The following FLYWCH1 variants were observed in gnomAD, a reference collection of about 807,000 sequenced individuals.
The protein encoded by FLYWCH1 is FLYWCH-type zinc finger-containing protein 1.
FLYWCH1 carries 75 observed loss-of-function variants against 66.4 expected under a neutral mutation model. That is an observed-to-expected ratio of 1.13 (90% CI 0.94 to 1.37). The LOEUF (loss-of-function observed/expected upper bound fraction) is 1.37, where lower values mean the gene tolerates loss of function less well. Ranked by LOEUF, FLYWCH1 falls within the 40% of genes most tolerant of loss-of-function variation. The pLI, the probability that FLYWCH1 is intolerant of heterozygous loss-of-function variation, is 0.00. For synonymous variants in FLYWCH1, 595 were observed against 429.9 expected (o/e 1.38, Z -4.75); for missense variants, 1,334 against 1,001.8 (o/e 1.33, Z -4.48).
At chr16:2,941,098 A>G (rs2071244319) in intron 9 of FLYWCH1, among the ~76,000 whole-genome samples, 1 of 152,068 alleles carries the variant, frequency 6.6e-6, no homozygotes, top group Non-Finnish European at 1.5e-5. Flanking sequence ...AACCAAATCA[A>G]AAACAGAGAA....
rs1333187389 is a variant in FLYWCH1 at position 2,929,764 on chromosome 16, G to T, written c.79G>T (p.Asp27Tyr). 4.3e-6 allele frequency: 7 copies of T among 1,613,786 alleles called. No individual in the cohort carries two copies. Among genetic ancestry groups the T allele is most frequent in the Admixed American group, 1.7e-5 (1 of 60,006 alleles). The change falls in exon 3 of 10, where the codon GAC becomes TAC. Residue 27 changes from aspartate (D) to tyrosine (Y), a missense_variant. Asp to Tyr is a radical substitution (Grantham distance 160). Coordinates refer to ENST00000253928, the MANE Select transcript of FLYWCH1 (RefSeq NM_001308068.2). ...GGAGCCATCCCCCAAGCCAGGCACGGACGTCATCCCGGCAGCCCCCAGGAA... is the reference window on the plus strand; with the variant it reads ...GGAGCCATCCCCCAAGCCAGGCACGTACGTCATCCCGGCAGCCCCCAGGAA... The part of the protein sequence containing the change: ...GQEPSPKPGT[D>Y]VIPAAPRKPR...
At chr16:2,946,669 A>G (rs1017476934) in intron 9 of FLYWCH1, among the ~76,000 whole-genome samples, 1 of 152,116 alleles carries the variant, frequency 6.6e-6, no homozygotes, top group African/African-American at 2.4e-5. Flanking sequence ...ACAAATGGCC[A>G]AAGGACCTGA....
At chr16:2,939,681 CA>C (rs1320487954) in intron 8 of FLYWCH1, 5 of 245,102 alleles carry the variant, frequency 2.0e-5, no homozygotes, top group Non-Finnish European at 4.1e-5. Flanking sequence ...GCCTGGGTGA[CA>C]GAACAAGACC....
At position 2,934,773 on chromosome 16, in the gene FLYWCH1, G is replaced by A. The variant is rs143869830; in HGVS notation, c.1513+794G>A. The A allele has an allele frequency of 3.9e-3, 1,628 of 416,018 alleles. 20 individuals are homozygous for A. Among genetic ancestry groups the A allele is most frequent in the South Asian group, 0.016 (899 of 57,870 alleles). The allele number at this position is 416,018 out of a possible 1,614,324, so 25.8% of individuals were successfully genotyped here. On this transcript the variant is annotated intron_variant, in intron 6 of 9. Coordinates refer to ENST00000253928, the MANE Select transcript of FLYWCH1 (RefSeq NM_001308068.2). ...GACAGTGCTGCGAGGTCCCCGCCTC[G>A]TCCTCACCCCCGCTCCTGACCCCAC...
intron 6 of FLYWCH1, chr16:2,936,820 G>T: frequency 1.7e-6 from 1 of 588,584 alleles, no homozygotes; most frequent in South Asian, 1.5e-5. Context: ...AAGCCTGGGC[G>T]GGTGCTGGGG....
intron 9 of FLYWCH1, among the ~76,000 whole-genome samples, chr16:2,943,872 G>C (rs1356740367): frequency 6.6e-6 from 1 of 152,132 alleles, no homozygotes. Flanking sequence ...GGGAGGTGGA[G>C]GTTGCAGTGA....
chr16:2,942,045 A>G (rs537501479), intron 9 of FLYWCH1, among the ~76,000 whole-genome samples: 1 of 151,814 alleles, frequency 6.6e-6, no homozygotes, highest in South Asian at 2.1e-4. Flanking sequence ...GGAAGGAAAT[A>G]AATAATAAAT....
At chr16:2,915,380 C>G (rs941533152) in intron 2 of FLYWCH1, 14 of 152,130 alleles carry the variant, frequency 9.2e-5, no homozygotes, top group African/African-American at 3.4e-4. Flanking sequence ...CCTGTGCTAC[C>G]AAGCCCAGCT....
intron 9 of FLYWCH1, among the ~76,000 whole-genome samples, chr16:2,942,523 C>T (rs1402530742): frequency 1.3e-5 from 2 of 152,058 alleles, no homozygotes; most frequent in Admixed American, 1.3e-4. Context: ...AAACTACAGA[C>T]CAGTATTTCT....
Position 2,929,845 on chromosome 16 carries a change from G to A in FLYWCH1, c.160G>A (p.Gly54Arg). The change falls in exon 3 of 10, where the codon GGG becomes AGG. Residue 54 changes from glycine to arginine, a missense_variant. Gly to Arg is a moderately radical substitution (Grantham distance 125). Transcript: ENST00000253928. ...LLTASDQDED[G>R]VGSKPQEVHC... is the part of the protein sequence containing the mutation. ...CACAGCCTCCGACCAAGATGAGGAT[G>A]GGGTGGGATCCAAGCCCCAGGAAGT... 3 of 1,613,974 alleles carry A rather than the reference G, an allele frequency of 1.9e-6. No homozygotes were observed. Among genetic ancestry groups the A allele is most frequent in the Non-Finnish European group, 2.5e-6 (3 of 1,179,876 alleles).
intron 2 of FLYWCH1, among the ~76,000 whole-genome samples, chr16:2,916,661 T>G (rs4438305): frequency 2.6e-5 from 4 of 151,538 alleles, no homozygotes; most frequent in East Asian, 1.9e-4. Flanking sequence ...AAACAAAAAA[T>G]AAAAAAAAGA....
chr16:2,936,219 G>T (rs1419801026), intron 6 of FLYWCH1: 3 of 352,836 alleles, frequency 8.5e-6, no homozygotes, highest in Non-Finnish European at 1.7e-5. Context: ...CCCCTTGCTG[G>T]ATATTTTCAT....
intron 9 of FLYWCH1, among the ~76,000 whole-genome samples, chr16:2,941,163 G>T (rs1182992813): frequency 6.6e-6 from 1 of 152,136 alleles, no homozygotes; most frequent in Non-Finnish European, 1.5e-5. Flanking sequence ...TAAGAAACCA[G>T]TGAGTCAGAC....
intron 2 of FLYWCH1, among the ~76,000 whole-genome samples, chr16:2,927,875 C>T (rs1271226952): frequency 6.6e-6 from 1 of 152,178 alleles, no homozygotes; most frequent in African/African-American, 2.4e-5. Flanking sequence ...GTGCGAGGAC[C>T]CGCACTGGCG....
intron 7 of FLYWCH1, 69 bp from the exon 8 acceptor site, chr16:2,938,115 C>T: frequency 6.1e-6 from 9 of 1,480,058 alleles, no homozygotes; most frequent in Non-Finnish European, 8.2e-6. Flanking sequence ...CTGGGGGATA[C>T]AAATCAGACC....
chr16:2,932,580 C>T (rs1263937561), intron 4 of FLYWCH1, among the ~76,000 whole-genome samples: 1 of 152,126 alleles, frequency 6.6e-6, no homozygotes, highest in Non-Finnish European at 1.5e-5. Flanking sequence ...TGAGGTGGCC[C>T]CTGCCCTGGG....
At chr16:2,920,088 A>G (rs1179394684) in intron 2 of FLYWCH1, among the ~76,000 whole-genome samples, 2 of 142,188 alleles carry the variant, frequency 1.4e-5, no homozygotes, top group Non-Finnish European at 3.3e-5. Context: ...TGGCAGGATT[A>G]GGGGTCATTT....
intron 8 of FLYWCH1, among the ~76,000 whole-genome samples, chr16:2,939,279 CT>C (rs1442756878): frequency 3.3e-5 from 5 of 152,256 alleles, no homozygotes; most frequent in African/African-American, 1.2e-4. Context: ...AACCCCGTCT[CT>C]ACTAAAAATA....
chr16:2,938,859 G>C (rs2071140175), intron 8 of FLYWCH1, among the ~76,000 whole-genome samples: 1 of 151,282 alleles, frequency 6.6e-6, no homozygotes, highest in South Asian at 2.1e-4. Context: ...TGATCCGCCT[G>C]TCTTGGCCTC....
Sources: allele counts gnomAD v4.1 joint callset (sites outside exome capture counted in the v4.1 genomes callset), GRCh38; gene constraint gnomAD v4.1.1; transcripts MANE v1.5; gene names NCBI Gene and HGNC (gene_info 2026-07-23, HGNC 2026-07-21).